The following BAZ2B variants were observed in gnomAD, a reference collection of about 807,000 sequenced individuals.
The protein encoded by BAZ2B is bromodomain adjacent to zinc finger domain protein 2B.
A neutral mutation model predicts 246.0 loss-of-function variants in BAZ2B; 91 were observed. The ratio of observed to expected loss-of-function variants is 0.37; its 90% CI spans 0.31 to 0.44. The LOEUF is 0.44. Among genes scored for constraint, BAZ2B ranks in the 20% least tolerant of loss-of-function variants. The pLI is 1.00. For missense variants in BAZ2B, 2,332 were observed against 2,533.7 expected (o/e 0.92, Z 1.71); for synonymous variants, 855 against 860.0 (o/e 0.99, Z 0.10).
chr2:159,446,744 A>C, intron 6 of BAZ2B, 38 bp downstream of exon 6: 1 of 1,515,332 alleles, frequency 6.6e-7, no homozygotes, highest in Non-Finnish European at 8.9e-7. Flanking sequence ...TCTTATATAT[A>C]GATCTGTTAT....
At chr2:159,698,526 A>AAC in the BAZ2B span, among the ~76,000 whole-genome samples, 3 of 145,462 alleles carry the variant, frequency 2.1e-5, no homozygotes, top group Non-Finnish European at 4.5e-5. Flanking sequence ...AAAAAAAAAA[A>AAC]AACAAAAAAA....
In BAZ2B at chr2:159,412,342, T is replaced by G; in HGVS notation, c.2670A>C (p.Gln890His). ...NADAKLLRKL[Q>H]AQEIARQAAQ... ...ACACATTATGTTTCTTACCTTGAGCTTGCAGTTTTCTTAGCAACTTTGCAT... is the reference window on the plus strand; with the variant it reads ...ACACATTATGTTTCTTACCTTGAGCGTGCAGTTTTCTTAGCAACTTTGCAT... The change falls in exon 14 of 37, where the codon CAA becomes CAC. Residue 890 changes from glutamine (Q) to histidine (H), a missense_variant. Coordinates refer to ENST00000392783, the MANE Select transcript of BAZ2B (RefSeq NM_013450.4). 6.2e-7 allele frequency: 1 copy of G among 1,614,056 alleles called. No homozygotes were observed. The highest frequency in any genetic ancestry group is 2.2e-5 in the East Asian group (1 of 44,866).
At chr2:159,481,630 T>A (rs1000664768) in intron 2 of BAZ2B, among the ~76,000 whole-genome samples, 1 of 151,840 alleles carries the variant, frequency 6.6e-6, no homozygotes, top group Non-Finnish European at 1.5e-5. Flanking sequence ...CATCATGTAT[T>A]TTCTGATGCC....
intron 1 of BAZ2B, among the ~76,000 whole-genome samples, chr2:159,611,069 A>G (rs66960860): frequency 2.0e-5 from 3 of 151,834 alleles, no homozygotes; most frequent in African/African-American, 7.2e-5. Context: ...TATATTTATT[A>G]CCCATAATTT....
At chr2:159,410,943 T>C (rs182679841) in intron 14 of BAZ2B, among the ~76,000 whole-genome samples, 8 of 152,360 alleles carry the variant, frequency 5.3e-5, no homozygotes, top group Admixed American at 3.3e-4. Context: ...TATATGTATA[T>C]GTGAGTGGTT....
At chr2:159,343,996 A>G (rs1413004758) in intron 31 of BAZ2B, among the ~76,000 whole-genome samples, 2 of 145,752 alleles carry the variant, frequency 1.4e-5, no homozygotes, top group Non-Finnish European at 3.0e-5. Context: ...ACTGCACTGC[A>G]GAGCCTGGGC....
chr2:159,709,086 T>C, the BAZ2B span, among the ~76,000 whole-genome samples: 66 of 152,016 alleles, frequency 4.3e-4, no homozygotes, highest in African/African-American at 1.4e-3. Flanking sequence ...AATGGACCTT[T>C]AAGTAATATA....
chr2:159,645,850 C>T, the BAZ2B span, among the ~76,000 whole-genome samples: 106 of 151,906 alleles, frequency 7.0e-4, no homozygotes, highest in African/African-American at 2.0e-3. Context: ...AGGGAGTGTA[C>T]GAATAGGGTG....
At chr2:159,468,323 C>A (rs1428882958) in intron 3 of BAZ2B, among the ~76,000 whole-genome samples, 1 of 151,930 alleles carries the variant, frequency 6.6e-6, no homozygotes, top group Non-Finnish European at 1.5e-5. Flanking sequence ...ACAACAACAA[C>A]AACAACAACA....
chr2:159,526,734 A>G (rs1275098728), intron 2 of BAZ2B, among the ~76,000 whole-genome samples: 1 of 152,154 alleles, frequency 6.6e-6, no homozygotes, highest in Non-Finnish European at 1.5e-5. Context: ...AAGCCTCTAG[A>G]GAAGGCAGAA....
chr2:159,347,464 T>G (rs1355319413), intron 31 of BAZ2B, 22 bp downstream of exon 31: 4 of 1,606,082 alleles, frequency 2.5e-6, no homozygotes, highest in East Asian at 4.5e-5. Flanking sequence ...TAAAAACATA[T>G]TTTATTCCAA....
At chr2:159,471,835 C>T (rs929122985) in intron 3 of BAZ2B, among the ~76,000 whole-genome samples, 8 of 152,010 alleles carry the variant, frequency 5.3e-5, no homozygotes, top group African/African-American at 1.9e-4. Context: ...TTCTATTTGG[C>T]TTAATTTATA....
the BAZ2B span, among the ~76,000 whole-genome samples, chr2:159,682,915 C>CG: frequency 1.4e-5 from 1 of 73,106 alleles, no homozygotes; most frequent in African/African-American, 3.4e-5. Flanking sequence ...CCCCTCCCCC[C>CG]CCCCACACAC....
At chr2:159,369,808 G>A (rs548735238) in intron 27 of BAZ2B, among the ~76,000 whole-genome samples, 1 of 152,278 alleles carries the variant, frequency 6.6e-6, no homozygotes, top group East Asian at 1.9e-4. Context: ...TTGCTATTGT[G>A]AGTAGTGCTG....
intron 1 of BAZ2B, among the ~76,000 whole-genome samples, chr2:159,614,594 T>A (rs546802026): frequency 6.6e-6 from 1 of 152,050 alleles, no homozygotes; most frequent in African/African-American, 2.4e-5. Flanking sequence ...GGGAATATAC[T>A]GACTACAGAT....
chr2:159,518,736 G>C (rs774269839), intron 2 of BAZ2B, among the ~76,000 whole-genome samples: 12 of 152,110 alleles, frequency 7.9e-5, no homozygotes, highest in Non-Finnish European at 1.2e-4. Flanking sequence ...AAGAGGACAT[G>C]AGAAAGATGA....
intron 19 of BAZ2B, chr2:159,396,480 C>T (rs149409306): frequency 2.0e-4 from 31 of 152,220 alleles, no homozygotes; most frequent in African/African-American, 7.2e-4. Context: ...TTTAAAGCCA[C>T]AAAAGCTGCA....
intron 2 of BAZ2B, among the ~76,000 whole-genome samples, chr2:159,482,235 G>T (rs748568892): frequency 2.5e-4 from 38 of 151,744 alleles, no homozygotes; most frequent in Non-Finnish European, 4.4e-4. Flanking sequence ...TTGAAGGAAT[G>T]AAGAACAGAC....
At chr2:159,379,642 A>G (rs1471453860) in intron 25 of BAZ2B, among the ~76,000 whole-genome samples, 5 of 152,202 alleles carry the variant, frequency 3.3e-5, no homozygotes, top group Non-Finnish European at 7.4e-5. Context: ...GTAGCATATT[A>G]TAAATTCTAC....
Sources: gnomAD v4.1 joint callset for allele counts (sites outside exome capture counted in the v4.1 genomes callset) on GRCh38, gnomAD v4.1.1 for gene constraint, MANE v1.5 for transcripts, NCBI Gene and HGNC (gene_info 2026-07-23, HGNC 2026-07-21) for gene names.